The following SUGP1 variants were observed in gnomAD, a reference collection of about 807,000 sequenced individuals.
The protein encoded by SUGP1 is SURP and G-patch domain-containing protein 1.
Under a neutral mutation model 76.5 loss-of-function variants are expected in SUGP1, and 34 were observed. The ratio of observed to expected loss-of-function variants is 0.44; its 90% CI spans 0.34 to 0.59. SUGP1 has a LOEUF of 0.59. Among genes scored for constraint, SUGP1 ranks in the 20% least tolerant of loss-of-function variants. The pLI, the probability that SUGP1 is intolerant of heterozygous loss-of-function variation, is 0.01. For synonymous variants in SUGP1, 326 were observed against 326.2 expected (o/e 1.00, Z 0.01); for missense variants, 752 against 851.7 (o/e 0.88, Z 1.46).
chr19:19,297,370 G>A lies in SUGP1; in HGVS notation c.888-26C>T, dbSNP rs761309414. ...CTGCAAAGGAGAGTTGGGGGGTGCA[G>A]TGTCAGCTGGGCCCGAGGCCCTGTC... On this transcript the variant is annotated intron_variant, in intron 7 of 13. Transcript: ENST00000247001. 3.6e-6 allele frequency: 5 copies of A among 1,384,594 alleles called. No homozygotes were observed. In the Admixed American group the frequency reaches 1.2e-4, roughly 33 times the overall value. 85.8% of individuals were successfully genotyped at this position (1,384,594 alleles called of 1,614,324 possible).
intron 8 of SUGP1, among the ~76,000 whole-genome samples, chr19:19,284,875 GTT>G (rs756645152): frequency 3.3e-4 from 43 of 129,654 alleles, no homozygotes; most frequent in Admixed American, 3.9e-4. Context: ...AAACAGGTTT[GTT>G]TTTTTTTTTT....
At chr19:19,276,922 A>C in intron 13 of SUGP1, 25 bp downstream of exon 13, 1 of 1,612,056 alleles carries the variant, frequency 6.2e-7, no homozygotes. Flanking sequence ...GACTGAGCAA[A>C]GGCAGCCCAG....
chr19:19,279,608 G>C (rs781662263), intron 9 of SUGP1, among the ~76,000 whole-genome samples: 9 of 152,274 alleles, frequency 5.9e-5, no homozygotes, highest in Non-Finnish European at 1.2e-4. Flanking sequence ...GCCACTGAAT[G>C]AGGGTGACTC....
chr19:19,286,980 C>T (rs10418051), intron 8 of SUGP1, among the ~76,000 whole-genome samples: 36,789 of 151,652 alleles, frequency 0.24, 5,004 homozygotes, highest in South Asian at 0.38. Flanking sequence ...ACAACAACAA[C>T]AACAACAAAA....
chr19:19,307,969 T>G (rs1476628392), intron 3 of SUGP1, among the ~76,000 whole-genome samples: 1 of 152,074 alleles, frequency 6.6e-6, no homozygotes, highest in African/African-American at 2.4e-5. Flanking sequence ...CCAGTGAGTA[T>G]TTTTCATGAT....
intron 8 of SUGP1, among the ~76,000 whole-genome samples, chr19:19,281,643 G>A (rs569501659): frequency 1.6e-4 from 25 of 152,174 alleles, no homozygotes; most frequent in Admixed American, 2.6e-4. Context: ...AGGTGATGGC[G>A]CCACACAACA....
chr19:19,318,117 T>TCTTTTTTC (rs1555791508), intron 1 of SUGP1, among the ~76,000 whole-genome samples: 10 of 133,700 alleles, frequency 7.5e-5, no homozygotes, highest in African/African-American at 2.4e-4. Context: ...AGCCTTCTTT[T>TCTTTTTTC]TTTTTTTTTT....
intron 11 of SUGP1, 82 bp from the exon 12 acceptor site, chr19:19,277,961 A>C: frequency 5.1e-6 from 8 of 1,560,928 alleles, no homozygotes; most frequent in Non-Finnish European, 7.0e-6. Flanking sequence ...CTTTGGTTTC[A>C]ATCAGTGCTG....
At position 19,279,244 on chromosome 19, in the gene SUGP1, C is replaced by G; in HGVS notation, c.1497G>C (p.Gln499His). The change falls in exon 10 of 14, where the codon CAG (glutamine) becomes CAC (histidine). Residue 499 changes from glutamine (Q) to histidine (H), a missense_variant. Coordinates refer to ENST00000247001, the MANE Select transcript of SUGP1 (RefSeq NM_172231.4). ...VDSELGTWEHQLRRMEMDKTR... is the reference protein window; with the variant it reads ...VDSELGTWEHHLRRMEMDKTR... ...TCTTATCCATCTCCATGCGCCGCAG[C>G]TGGTGCTCCCAGGTGCCCAGCTCGC... The G allele has an allele frequency of 2.5e-6, 4 of 1,610,328 alleles. No individual in the cohort carries two copies. The highest frequency in any genetic ancestry group is 3.4e-6 in the Non-Finnish European group (4 of 1,179,696).
At chr19:19,291,941 C>G (rs1377128961) in intron 8 of SUGP1, among the ~76,000 whole-genome samples, 1 of 127,020 alleles carries the variant, frequency 7.9e-6, no homozygotes, top group African/African-American at 2.8e-5. Flanking sequence ...ACAAAAGGGC[C>G]AAGAATTAGA....
Position 19,297,109 on chromosome 19 carries a change from A to G in SUGP1, c.1123T>C (p.Ser375Pro). The G allele has an allele frequency of 1.2e-6, 2 of 1,613,722 alleles. No individual in the cohort carries two copies. Among genetic ancestry groups the G allele is most frequent in the South Asian group, 1.1e-5 (1 of 91,054 alleles). Residue 375 changes from serine (S) to proline (P), a missense_variant, in exon 8 of 14, where the codon TCC (serine) becomes CCC (proline). Ser to Pro is a moderately conservative substitution (Grantham distance 74). Coordinates refer to ENST00000247001, the MANE Select transcript of SUGP1 (RefSeq NM_172231.4). ...PAPAAPGKPA[S>P]AATVKRKRKS... ...CGCTTCCTCTTCACGGTGGCTGCGG[A>G]GGCTGGCTTCCCGGGGGCAGCTGGA... is the stretch of plus-strand genomic sequence containing the variant.
At chr19:19,287,119 A>G (rs2061146573) in intron 8 of SUGP1, among the ~76,000 whole-genome samples, 1 of 152,184 alleles carries the variant, frequency 6.6e-6, no homozygotes, top group Admixed American at 6.5e-5. Context: ...TACCAAATAC[A>G]AAAATTAGCT....
At chr19:19,317,993 TAC>T (rs890912014) in intron 1 of SUGP1, among the ~76,000 whole-genome samples, 76 of 151,244 alleles carry the variant, frequency 5.0e-4, no homozygotes, top group Admixed American at 2.7e-3. Context: ...ATATTTTTAG[TAC>T]AGTTAGGATT....
rs142241330 is a variant in SUGP1, at chr19:19,316,038, T to C, written c.206+384A>G. On this transcript the variant is annotated intron_variant, in intron 2 of 13. Transcript: ENST00000247001. ...TAGTAGAGATGGGGTTTCACTATGT[T>C]GGCAAAGCTGGTCTCAAACTCCTGG... is the stretch of plus-strand genomic sequence containing the variant. Among the ~76,000 whole-genome samples, 19 of 152,252 alleles carry C rather than the reference T, an allele frequency of 1.2e-4. 1 individual carries two copies. The highest frequency in any genetic ancestry group is 3.9e-4 in the African/African-American group (16 of 41,554).
At position 19,284,506 on chromosome 19, in the gene SUGP1, G is replaced by A. The variant is rs1376913302; in HGVS notation, c.1244-4215C>T. On this transcript the variant is annotated intron_variant, in intron 8 of 13. Transcript: ENST00000247001. Reference sequence around the variant, plus strand: ...AGAAATTCACGAAGCTGTTATTGCAGCTATGTCAACAGGTGTGAAAACCTT... The same window carrying A: ...AGAAATTCACGAAGCTGTTATTGCAACTATGTCAACAGGTGTGAAAACCTT... 2.6e-5 allele frequency among the ~76,000 whole-genome samples: 4 copies of A among 152,082 alleles called. No individual in the cohort carries two copies. The East Asian group carries it at 7.7e-4, about 29-fold the overall frequency.
At chr19:19,309,810 G>A (rs1157270804) in intron 3 of SUGP1, among the ~76,000 whole-genome samples, 1 of 152,240 alleles carries the variant, frequency 6.6e-6, no homozygotes, top group African/African-American at 2.4e-5. Context: ...TACTCAGGAG[G>A]CTGAGGCAGG....
rs543755115 is a variant in SUGP1, at chr19:19,280,450, G to A, written c.1244-159C>T. On this transcript the variant is annotated intron_variant, in intron 8 of 13. Transcript: ENST00000247001. ...GTGCCACGTGGTACGTGACGGCCTC[G>A]GGGTCCCGCTGTGTGCTGCCACGTG... is the stretch of plus-strand genomic sequence containing the variant. The A allele has an allele frequency of 1.6e-4, 105 of 661,892 alleles. No homozygotes were observed. The African/African-American group carries it at 1.7e-3, about 11-fold the overall frequency. 41.0% of individuals were successfully genotyped at this position (661,892 alleles called of 1,614,324 possible). A position where few individuals can be genotyped will look rare whatever the true frequency, so the allele number is the denominator to read the frequency against.
At chr19:19,294,293 G>T (rs2061207823) in intron 8 of SUGP1, among the ~76,000 whole-genome samples, 1 of 152,148 alleles carries the variant, frequency 6.6e-6, no homozygotes, top group African/African-American at 2.4e-5. Flanking sequence ...GGAGGCCAAG[G>T]CAGGAGGATT....
Position 19,316,539 on chromosome 19 carries a change from A to G in SUGP1, c.89T>C (p.Met30Thr). The G allele has an allele frequency of 6.2e-7, 1 of 1,613,806 alleles. No homozygotes were observed. The highest frequency in any genetic ancestry group is 1.1e-5 in the South Asian group (1 of 91,080). The stretch of plus-strand genomic sequence containing the variant: ...GAGCTCTTCCTGGTGAAGGATGTTC[A>G]TGTTCATTTTTCCAGATTTAGGGGG... ...VAPPKSGKMNMNILHQEELIA... is the reference protein window; with the variant it reads ...VAPPKSGKMNTNILHQEELIA... Residue 30 changes from methionine to threonine, a missense_variant, in exon 2 of 14, where the codon ATG becomes ACG. Physicochemically the swap from Met to Thr is moderately conservative, Grantham distance 81. Coordinates refer to ENST00000247001, the MANE Select transcript of SUGP1 (RefSeq NM_172231.4).
Sources: gnomAD v4.1 joint callset for allele counts (sites outside exome capture counted in the v4.1 genomes callset) on GRCh38, gnomAD v4.1.1 for gene constraint, MANE v1.5 for transcripts, NCBI Gene and HGNC (gene_info 2026-07-23, HGNC 2026-07-21) for gene names.